The following NXPH1 variants were observed in gnomAD, a reference collection of about 807,000 sequenced individuals.
NXPH1 encodes neurexophilin-1.
In NXPH1, 5 loss-of-function variants were observed where a neutral mutation model predicts 23.7. That is an observed-to-expected ratio of 0.21 (90% CI 0.11 to 0.44). NXPH1 has a LOEUF of 0.44. Ranked by LOEUF, NXPH1 falls within the 20% of genes least tolerant of loss-of-function variation. NXPH1 has a pLI of 0.99. For missense variants in NXPH1, 324 were observed against 321.6 expected (o/e 1.01, Z -0.06); for synonymous variants, 144 against 122.2 (o/e 1.18, Z -1.18).
chr7:8,449,141 A>G (rs1156625239), intron 2 of NXPH1, among the ~76,000 whole-genome samples: 1 of 152,180 alleles, frequency 6.6e-6, no homozygotes, highest in African/African-American at 2.4e-5. Context: ...GCTTTTTCCT[A>G]TTGAAGTTCA....
chr7:8,539,175 G>C (rs566446975), intron 2 of NXPH1, among the ~76,000 whole-genome samples: 1 of 151,802 alleles, frequency 6.6e-6, no homozygotes, highest in Non-Finnish European at 1.5e-5. Flanking sequence ...GGAGTTGATG[G>C]TGGTGCTGAA....
chr7:8,733,799 T>G (rs1311270072), intron 2 of NXPH1, among the ~76,000 whole-genome samples: 1 of 152,194 alleles, frequency 6.6e-6, no homozygotes, highest in Non-Finnish European at 1.5e-5. Flanking sequence ...ATGGATAGAT[T>G]GCAAAAATTT....
At chr7:8,489,230 T>C (rs557484903) in intron 2 of NXPH1, among the ~76,000 whole-genome samples, 11 of 152,208 alleles carry the variant, frequency 7.2e-5, no homozygotes, top group African/African-American at 2.4e-4. Flanking sequence ...CCTTCTTCAG[T>C]GTTCTATACA....
chr7:8,477,235 A>G (rs559734484), intron 2 of NXPH1, among the ~76,000 whole-genome samples: 1 of 152,114 alleles, frequency 6.6e-6, no homozygotes, highest in Non-Finnish European at 1.5e-5. Context: ...TAAGCAATTA[A>G]AGGAAGGTCT....
At chr7:8,501,020 T>C (rs948868355) in intron 2 of NXPH1, among the ~76,000 whole-genome samples, 3 of 152,022 alleles carry the variant, frequency 2.0e-5, no homozygotes, top group African/African-American at 7.2e-5. Context: ...TCTTGAAAGG[T>C]CTGGTCTGCA....
chr7:8,682,805 G>T (rs1821077910), intron 2 of NXPH1, among the ~76,000 whole-genome samples: 1 of 152,154 alleles, frequency 6.6e-6, no homozygotes, highest in African/African-American at 2.4e-5. Context: ...CCATTTAAAG[G>T]AATGCACACA....
chr7:8,570,127 CA>C (rs1345527754), intron 2 of NXPH1, among the ~76,000 whole-genome samples: 1 of 151,620 alleles, frequency 6.6e-6, no homozygotes, highest in African/African-American at 2.4e-5. Context: ...GATTTTATGA[CA>C]AAAAAGATAC....
chr7:8,531,324 C>G (rs961999676), intron 2 of NXPH1, among the ~76,000 whole-genome samples: 6 of 152,188 alleles, frequency 3.9e-5, no homozygotes, highest in Non-Finnish European at 8.8e-5. Flanking sequence ...TTCAAAGTAA[C>G]TTAGTGTGAT....
chr7:8,715,745 G>C (rs1425405295), intron 2 of NXPH1, among the ~76,000 whole-genome samples: 7 of 152,102 alleles, frequency 4.6e-5, no homozygotes, highest in Admixed American at 3.9e-4. Context: ...GAAATGGCAG[G>C]CTTGTAATTA....
chr7:8,522,928 A>G (rs2040768), intron 2 of NXPH1, among the ~76,000 whole-genome samples: 3 of 152,124 alleles, frequency 2.0e-5, no homozygotes, highest in Non-Finnish European at 4.4e-5. Flanking sequence ...AGCATTGGCT[A>G]TGGAGACAGA....
rs1467230059 is a variant in NXPH1, at chr7:8,725,802, C to T, written c.55-25206C>T. On this transcript the variant is annotated intron_variant, in intron 2 of 2. Transcript: ENST00000405863. ...GAGGCTCTATTTCCAGGATCTTTAC[C>T]TATTTTTTTTTATTTCTGGGTTGAC... Among the ~76,000 whole-genome samples the T allele has an allele frequency of 2.7e-5, 4 of 145,604 alleles. No homozygotes were observed. In the East Asian group the frequency reaches 7.7e-4, roughly 28 times the overall value.
intron 2 of NXPH1, among the ~76,000 whole-genome samples, chr7:8,592,488 T>A (rs1177771525): frequency 6.6e-6 from 1 of 152,014 alleles, no homozygotes; most frequent in African/African-American, 2.4e-5. Context: ...AGTTGTAAAT[T>A]GGGTTTAAAT....
At chr7:8,472,256 G>A (rs1816882606) in intron 2 of NXPH1, among the ~76,000 whole-genome samples, 1 of 152,030 alleles carries the variant, frequency 6.6e-6, no homozygotes, top group Non-Finnish European at 1.5e-5. Flanking sequence ...AAGCCCTTGG[G>A]GATTGTTTCC....
intron 2 of NXPH1, among the ~76,000 whole-genome samples, chr7:8,443,791 C>T (rs1217841437): frequency 6.6e-6 from 1 of 152,184 alleles, no homozygotes; most frequent in Non-Finnish European, 1.5e-5. Context: ...TGAAATCTAT[C>T]ATCATTAGAC....
At chr7:8,729,673 G>A (rs1780116269) in intron 2 of NXPH1, among the ~76,000 whole-genome samples, 1 of 146,724 alleles carries the variant, frequency 6.8e-6, no homozygotes, top group Non-Finnish European at 1.5e-5. Context: ...TTAATCCTGA[G>A]TTCTAGTTTG....
chr7:8,534,960 G>A (rs1035738635), intron 2 of NXPH1, among the ~76,000 whole-genome samples: 14 of 151,972 alleles, frequency 9.2e-5, no homozygotes, highest in African/African-American at 3.1e-4. Flanking sequence ...AAGAAAATAA[G>A]CAAATAGACA....
At chr7:8,569,051 C>T (rs938516648) in intron 2 of NXPH1, among the ~76,000 whole-genome samples, 6 of 151,884 alleles carry the variant, frequency 4.0e-5, no homozygotes, top group African/African-American at 9.6e-5. Flanking sequence ...TGATGAAATT[C>T]GAACACAGAG....
intron 2 of NXPH1, among the ~76,000 whole-genome samples, chr7:8,749,339 G>C (rs568862398): frequency 6.6e-6 from 1 of 152,322 alleles, no homozygotes; most frequent in South Asian, 2.1e-4. Flanking sequence ...AACTTGACCA[G>C]GGGCACACAG....
At chr7:8,500,101 G>T (rs1817407150) in intron 2 of NXPH1, among the ~76,000 whole-genome samples, 2 of 152,058 alleles carry the variant, frequency 1.3e-5, no homozygotes. Context: ...ACTGCATCCA[G>T]GTATAAACTC....
Sources: gnomAD v4.1 joint callset for allele counts (sites outside exome capture counted in the v4.1 genomes callset) on GRCh38, gnomAD v4.1.1 for gene constraint, MANE v1.5 for transcripts, NCBI Gene and HGNC (gene_info 2026-07-23, HGNC 2026-07-21) for gene names.